The following HMGA1 variants were observed in gnomAD, a reference collection of about 807,000 sequenced individuals.
The protein encoded by HMGA1 is high mobility group AT-hook 1.
Under a neutral mutation model 15.1 loss-of-function variants are expected in HMGA1, and 1 was observed. The observed-to-expected ratio is 0.07, with a 90% confidence interval of 0.02 to 0.31. The LOEUF (loss-of-function observed/expected upper bound fraction) is 0.31, where lower values mean the gene tolerates loss of function less well. Ranked by LOEUF, HMGA1 falls within the 10% of genes least tolerant of loss-of-function variation. The probability of loss-of-function intolerance (pLI) is 1.00; values close to 1 mark genes in which losing one functional copy is unlikely to be tolerated. For synonymous variants in HMGA1, 56 were observed against 54.8 expected (o/e 1.02, Z -0.10); for missense variants, 94 against 141.4 (o/e 0.66, Z 1.70).
chr6:34,238,300 G>C (rs946813296), intron 2 of HMGA1, among the ~76,000 whole-genome samples: 2 of 152,026 alleles, frequency 1.3e-5, no homozygotes, highest in Non-Finnish European at 2.9e-5. Context: ...GGCCTGCAAC[G>C]GCCGGGCGCA....
chr6:34,240,940 C>G, intron 3 of HMGA1, 25 bp downstream of exon 3: 1 of 1,613,400 alleles, frequency 6.2e-7, no homozygotes, highest in Non-Finnish European at 8.5e-7. Flanking sequence ...CTTTGCTTCA[C>G]TTGGTTTACC....
At position 34,243,461 on chromosome 6, in the gene HMGA1, C is replaced by A. The variant is rs41269028; in HGVS notation, c.220-7C>A. The A allele has an allele frequency of 1.9e-6, 3 of 1,611,540 alleles. No homozygotes were observed. The South Asian group carries it at 3.3e-5, about 18-fold the overall frequency. On this transcript the variant is annotated splice_polypyrimidine_tract_variant and splice_region_variant and intron_variant, in intron 4 of 5. Coordinates refer to ENST00000311487, the MANE Select transcript of HMGA1 (RefSeq NM_145899.3). ...GGACTTAGGAGATATTTTCTCTAAC[C>A]CTCTAGAAAACCACCACAACTCCAG...
At chr6:34,240,608 G>A in intron 2 of HMGA1, 129 bp from the exon 3 acceptor site, 1 of 757,666 alleles carries the variant, frequency 1.3e-6, no homozygotes, top group African/African-American at 1.7e-5. Context: ...TCCATCCTGG[G>A]CAGAGTAGGA....
intron 2 of HMGA1, chr6:34,239,073 G>A (rs1353129409): frequency 6.6e-6 from 1 of 152,130 alleles, no homozygotes; most frequent in African/African-American, 2.4e-5. Context: ...CACTAATGAC[G>A]GAGCAGGATA....
chr6:34,241,057 G>C, intron 3 of HMGA1, 142 bp downstream of exon 3: 1 of 953,320 alleles, frequency 1.0e-6, no homozygotes, highest in Non-Finnish European at 1.6e-6. Flanking sequence ...CCTCCCACCT[G>C]TGTGTACTCC....
intron 2 of HMGA1, among the ~76,000 whole-genome samples, chr6:34,239,271 T>C (rs549219601): frequency 3.3e-5 from 5 of 151,886 alleles, no homozygotes; most frequent in African/African-American, 4.8e-5. Flanking sequence ...TTTTCTTCTT[T>C]TTTTTTTTTC....
At position 34,245,590 on chromosome 6, in the gene HMGA1, T is replaced by C; in HGVS notation, c.*706T>C. On this transcript the variant is annotated 3_prime_UTR_variant, in exon 6 of 6. Coordinates refer to ENST00000311487, the MANE Select transcript of HMGA1 (RefSeq NM_145899.3). ...GGCCACAGCCCCCTTGCCCTCCGCC[T>C]GGGATCTGAGTACATATTGTGGTGA... 2.9e-6 allele frequency: 4 copies of C among 1,381,432 alleles called. No homozygotes were observed. The highest frequency in any genetic ancestry group is 3.9e-6 in the Non-Finnish European group (4 of 1,036,160). 85.6% of individuals were successfully genotyped at this position (1,381,432 alleles called of 1,614,324 possible).
At chr6:34,241,347 C>T (rs1169400980) in intron 3 of HMGA1, among the ~76,000 whole-genome samples, 1 of 152,186 alleles carries the variant, frequency 6.6e-6, no homozygotes, top group African/African-American at 2.4e-5. Context: ...TGATTTTTGT[C>T]AATTTGCTGT....
At chr6:34,240,155 T>C (rs1762181524) in intron 2 of HMGA1, among the ~76,000 whole-genome samples, 1 of 152,192 alleles carries the variant, frequency 6.6e-6, no homozygotes, top group South Asian at 2.1e-4. Flanking sequence ...GAGCTGGTGG[T>C]GGGCACCACC....
In HMGA1 at chr6:34,245,010, C is replaced by G. The variant is rs1183366422; in HGVS notation, c.*126C>G. On this transcript the variant is annotated 3_prime_UTR_variant, in exon 6 of 6. Coordinates refer to ENST00000311487, the MANE Select transcript of HMGA1 (RefSeq NM_145899.3). ...CATCACCACCGCCTCTGGCCGCCAC[C>G]CCCATCTTCCACCTGTGCCCTCACC... The G allele has an allele frequency of 1.9e-6, 3 of 1,543,252 alleles. No individual in the cohort carries two copies. The South Asian group carries it at 3.6e-5, about 19-fold the overall frequency.
At chr6:34,242,561 C>T in intron 3 of HMGA1, 151 bp from the exon 4 acceptor site, 1 of 669,310 alleles carries the variant, frequency 1.5e-6, no homozygotes, top group South Asian at 1.5e-5. Context: ...CAAACTGGAG[C>T]TTTGGATCCT....
chr6:34,237,830 C>G (rs552573114), intron 2 of HMGA1, among the ~76,000 whole-genome samples: 96 of 151,938 alleles, frequency 6.3e-4, no homozygotes, highest in South Asian at 3.9e-3. Context: ...CCCCCAAATT[C>G]GGCCCTACGC....
chr6:34,237,796 G>A (rs2127537388), intron 2 of HMGA1, among the ~76,000 whole-genome samples: 1 of 151,858 alleles, frequency 6.6e-6, no homozygotes, highest in South Asian at 2.1e-4. Flanking sequence ...GGGAAGTTCT[G>A]GAAGTGAGGG....
Position 34,246,171 on chromosome 6 carries a change from G to C in HMGA1, c.*1287G>C. On this transcript the variant is annotated 3_prime_UTR_variant, in exon 6 of 6. Coordinates refer to ENST00000311487, the MANE Select transcript of HMGA1 (RefSeq NM_145899.3). Reference sequence around the variant, plus strand: ...GGTAGCCATGATTTGTCCCAGCCTGGGGCTCCCTCTCTGGTTTCCTATTTG... The same window carrying C: ...GGTAGCCATGATTTGTCCCAGCCTGCGGCTCCCTCTCTGGTTTCCTATTTG... 4.0e-6 allele frequency: 1 copy of C among 252,388 alleles called. No homozygotes were observed. Among genetic ancestry groups the C allele is most frequent in the Non-Finnish European group, 7.7e-6 (1 of 130,160 alleles). 15.6% of individuals were successfully genotyped at this position (252,388 alleles called of 1,614,324 possible).
chr6:34,242,690 A>T (rs1247768815), intron 3 of HMGA1, 22 bp from the exon 4 acceptor site: 1 of 1,528,828 alleles, frequency 6.5e-7, no homozygotes, highest in East Asian at 2.4e-5. Context: ...ACTGTCCCTG[A>T]CTACCCCCTC....
At chr6:34,240,105 G>C (rs1301435449) in intron 2 of HMGA1, among the ~76,000 whole-genome samples, 1 of 152,146 alleles carries the variant, frequency 6.6e-6, no homozygotes, top group African/African-American at 2.4e-5. Flanking sequence ...ATACCAATCT[G>C]AATTCTCCAG....
Position 34,245,100 on chromosome 6 carries a change from C to T in HMGA1, c.*216C>T. Reference sequence around the variant, plus strand: ...TGGGCTGAGTGGGGAGCAGTTTTCCCCTGGCCTCAGTTCCCAGCTCCCCCC... The same window carrying T: ...TGGGCTGAGTGGGGAGCAGTTTTCCTCTGGCCTCAGTTCCCAGCTCCCCCC... On this transcript the variant is annotated 3_prime_UTR_variant, in exon 6 of 6. Transcript: ENST00000311487. The T allele has an allele frequency of 5.3e-6, 8 of 1,517,286 alleles. No homozygotes were observed. Among genetic ancestry groups the T allele is most frequent in the Non-Finnish European group, 7.1e-6 (8 of 1,133,216 alleles). The allele number at this position is 1,517,286 out of a possible 1,614,324, so 94.0% of individuals were successfully genotyped here. A position where few individuals can be genotyped will look rare whatever the true frequency, so the allele number is the denominator to read the frequency against.
At chr6:34,240,613 G>C (rs1375320213) in intron 2 of HMGA1, 124 bp from the exon 3 acceptor site, 1 of 785,730 alleles carries the variant, frequency 1.3e-6, no homozygotes, top group Admixed American at 2.1e-5. Flanking sequence ...CCTGGGCAGA[G>C]TAGGAGGCCT....
In HMGA1 at chr6:34,244,187, G is replaced by A. The variant is rs1469549667; in HGVS notation, c.271-644G>A. ...CCACTGCTGGGGTGGGGGGGTTAGG[G>A]GGTGCTGCTGGCCAGGCCCCAAGAG... On this transcript the variant is annotated intron_variant, in intron 5 of 5. Coordinates refer to ENST00000311487, the MANE Select transcript of HMGA1 (RefSeq NM_145899.3). 4.0e-5 allele frequency among the ~76,000 whole-genome samples: 6 copies of A among 150,726 alleles called. 1 individual carries two copies. In the South Asian group the frequency reaches 1.3e-3, roughly 32 times the overall value.
Sources: gnomAD v4.1 joint callset for allele counts (sites outside exome capture counted in the v4.1 genomes callset) on GRCh38, gnomAD v4.1.1 for gene constraint, MANE v1.5 for transcripts, NCBI Gene and HGNC (gene_info 2026-07-23, HGNC 2026-07-21) for gene names.